Variants in POLR3B observed in about 807,000 individuals in gnomAD.
The protein encoded by POLR3B is RNA polymerase III subunit B.
In POLR3B, 96 loss-of-function variants were observed where a neutral mutation model predicts 147.4. That is an observed-to-expected ratio of 0.65 (90% CI 0.55 to 0.77). The LOEUF is 0.77. POLR3B is among the 30% of genes least tolerant of loss of function. POLR3B has a pLI of 0.00. For missense variants in POLR3B, 1,036 were observed against 1,413.5 expected, an observed-to-expected ratio of 0.73 and a Z score of 4.28; for synonymous variants, 461 against 485.9, an observed-to-expected ratio of 0.95 and a Z score of 0.67.
intron 12 of POLR3B, among the ~76,000 whole-genome samples, chr12:106,417,981 T>C (rs550723130): frequency 3.3e-5 from 5 of 152,142 alleles, no homozygotes; most frequent in Non-Finnish European, 7.4e-5. Flanking sequence ...ACATAAAAGG[T>C]ATTGTGTTAG....
chr12:106,477,976 C>G (rs1245710470), intron 23 of POLR3B, among the ~76,000 whole-genome samples: 1 of 136,714 alleles, frequency 7.3e-6, no homozygotes, highest in Non-Finnish European at 1.5e-5. Context: ...TCGATCTCAG[C>G]TCAGTGCAAC....
intron 9 of POLR3B, among the ~76,000 whole-genome samples, chr12:106,391,112 G>A (rs1292880249): frequency 6.6e-6 from 1 of 152,226 alleles, no homozygotes; most frequent in Non-Finnish European, 1.5e-5. Context: ...CTGAACTGAA[G>A]CAGCCTGGAG....
chr12:106,497,609 G>C (rs934081588), intron 25 of POLR3B, among the ~76,000 whole-genome samples: 2 of 152,132 alleles, frequency 1.3e-5, no homozygotes, highest in Admixed American at 1.3e-4. Flanking sequence ...ATGAGTATCA[G>C]AATAATAAAT....
At chr12:106,365,395 T>C (rs2036520818) in intron 2 of POLR3B, among the ~76,000 whole-genome samples, 1 of 152,236 alleles carries the variant, frequency 6.6e-6, no homozygotes, top group African/African-American at 2.4e-5. Context: ...AGTTTCTTTT[T>C]CCCCCTAAGA....
rs188380783 is a variant in POLR3B at position 106,406,548 on chromosome 12, C to T, written c.966+572C>T. On this transcript the variant is annotated intron_variant, in intron 11 of 27. Transcript: ENST00000228347. ...AATGTTTACTGGATGAGTTCATCTT[C>T]TAGACCTTGAATTTAAAGTTCACAT... Among the ~76,000 whole-genome samples, 453 of 152,266 alleles carry T rather than the reference C, an allele frequency of 3.0e-3. 1 individual carries two copies. Among genetic ancestry groups the T allele is most frequent in the African/African-American group, 9.4e-3 (389 of 41,568 alleles).
chr12:106,484,849 T>A (rs1565911805), intron 23 of POLR3B, among the ~76,000 whole-genome samples: 1 of 151,916 alleles, frequency 6.6e-6, no homozygotes, highest in Non-Finnish European at 1.5e-5. Context: ...GAGGCACGAA[T>A]AAGCTTGGTA....
intron 18 of POLR3B, among the ~76,000 whole-genome samples, chr12:106,442,126 G>A (rs1271642466): frequency 6.7e-6 from 1 of 149,846 alleles, no homozygotes; most frequent in East Asian, 1.9e-4. Flanking sequence ...CCCAATTCCT[G>A]TTCAGTTTCT....
intron 10 of POLR3B, among the ~76,000 whole-genome samples, chr12:106,393,767 TACACACACAC>T (rs34402190): frequency 3.1e-5 from 4 of 127,908 alleles, no homozygotes; most frequent in South Asian, 2.7e-4. Context: ...GACTGAGAAA[TACACACACAC>T]ACACACACAC....
intron 23 of POLR3B, among the ~76,000 whole-genome samples, chr12:106,485,943 T>A (rs1479528881): frequency 1.3e-5 from 2 of 152,200 alleles, no homozygotes; most frequent in Admixed American, 6.5e-5. Flanking sequence ...TTATCTATAT[T>A]TCATCCTTTA....
chr12:106,370,234 C>G (rs1021250223), intron 6 of POLR3B, among the ~76,000 whole-genome samples: 9 of 152,156 alleles, frequency 5.9e-5, no homozygotes, highest in Non-Finnish European at 1.2e-4. Flanking sequence ...AATTTCTGTT[C>G]AAGTGTTTTT....
intron 10 of POLR3B, among the ~76,000 whole-genome samples, chr12:106,405,367 G>A (rs1283121350): frequency 6.6e-6 from 1 of 152,034 alleles, no homozygotes; most frequent in Non-Finnish European, 1.5e-5. Flanking sequence ...TCCAGTCCAC[G>A]AACATGTCAT....
chr12:106,416,044 G>T lies in POLR3B; in HGVS notation c.1101+5084G>T, dbSNP rs914369026. Among the ~76,000 whole-genome samples the T allele has an allele frequency of 2.4e-4, 36 of 152,166 alleles. 1 individual carries two copies. Among genetic ancestry groups the T allele is most frequent in the Admixed American group, 2.2e-3 (33 of 15,278 alleles). On this transcript the variant is annotated intron_variant, in intron 12 of 27. Transcript: ENST00000228347. ...GACTCTGTGAATTTATGCTTAGTGG[G>T]GCTTCCTTGGGGATCATTGTCACAG... is the stretch of plus-strand genomic sequence containing the variant.
At chr12:106,401,863 T>C (rs916910832) in intron 10 of POLR3B, among the ~76,000 whole-genome samples, 5 of 152,118 alleles carry the variant, frequency 3.3e-5, no homozygotes, top group Non-Finnish European at 7.4e-5. Flanking sequence ...TCATACTGAA[T>C]GGGCAAAAAC....
At position 106,366,709 on chromosome 12, in the gene POLR3B, A is replaced by C; in HGVS notation, c.214A>C (p.Met72Leu). Residue 72 changes from methionine (M) to leucine (L), a missense_variant, in exon 4 of 28, where the codon ATG becomes CTG. Met to Leu is a conservative substitution (Grantham distance 15). Transcript: ENST00000228347. ...AAAGGTTACAAGTGACGCTGACCCT[A>C]TGTGGTACTTAAAGTAAGGAACCAA... ...NEKVTSDADP[M>L]WYLKYLNIYV... 4 of 1,612,296 alleles carry C rather than the reference A, an allele frequency of 2.5e-6. No homozygotes were observed. The highest frequency in any genetic ancestry group is 3.4e-6 in the Non-Finnish European group (4 of 1,178,390).
At chr12:106,435,115 T>G (rs1351673767) in intron 16 of POLR3B, among the ~76,000 whole-genome samples, 1 of 149,776 alleles carries the variant, frequency 6.7e-6, no homozygotes, top group East Asian at 2.1e-4. Flanking sequence ...CTTTGATTCT[T>G]ATCCTTCCAT....
In POLR3B at chr12:106,437,072, C is replaced by G; in HGVS notation, c.1797C>G (p.Val599=). The change falls in exon 17 of 28, where the codon GTC becomes GTG. Residue 599 remains valine (V), a synonymous_variant. Coordinates refer to ENST00000228347, the MANE Select transcript of POLR3B (RefSeq NM_018082.6). ...GGRLCRPYII[V]KKQKPAVTNK... ...TCCATTCTAGACCCTACATAATTGT[C>G]AAGAAACAGAAGCCAGCAGTCACAA... The G allele has an allele frequency of 6.2e-7, 1 of 1,613,230 alleles. No homozygotes were observed. Among genetic ancestry groups the G allele is most frequent in the Non-Finnish European group, 8.5e-7 (1 of 1,179,582 alleles).
At chr12:106,490,769 G>A (rs1053294240) in intron 23 of POLR3B, among the ~76,000 whole-genome samples, 1 of 152,226 alleles carries the variant, frequency 6.6e-6, no homozygotes, top group African/African-American at 2.4e-5. Flanking sequence ...ATTTCTGAAT[G>A]TATAAAGGCT....
intron 19 of POLR3B, among the ~76,000 whole-genome samples, chr12:106,450,022 G>A (rs1593047917): frequency 6.6e-6 from 1 of 152,176 alleles, no homozygotes; most frequent in Non-Finnish European, 1.5e-5. Context: ...AATACAGTAT[G>A]ATGTTGACAG....
At chr12:106,402,999 AACT>A (rs2037091707) in intron 10 of POLR3B, among the ~76,000 whole-genome samples, 2 of 152,042 alleles carry the variant, frequency 1.3e-5, no homozygotes, top group African/African-American at 4.8e-5. Context: ...CAGCAAAAGA[AACT>A]ACCATCAGAG....
Sources: allele counts gnomAD v4.1 joint callset (sites outside exome capture counted in the v4.1 genomes callset), GRCh38; gene constraint gnomAD v4.1.1; transcripts MANE v1.5; gene names NCBI Gene and HGNC (gene_info 2026-07-23, HGNC 2026-07-21).